UBXN2A: variants seen among roughly 807,000 people sequenced by gnomAD.
The protein encoded by UBXN2A is UBX domain-containing protein 2A.
In UBXN2A, 28 loss-of-function variants were observed where a neutral mutation model predicts 28.4. That is an observed-to-expected ratio of 0.99 (90% CI 0.73 to 1.35). UBXN2A has a LOEUF of 1.35. UBXN2A is among the 40% of genes most tolerant of loss of function. The probability of loss-of-function intolerance (pLI) is 0.00; values close to 1 mark genes in which losing one functional copy is unlikely to be tolerated. For missense variants in UBXN2A, 253 were observed against 297.9 expected (o/e 0.85, Z 1.11); for synonymous variants, 97 against 103.6 (o/e 0.94, Z 0.39).
chr2:23,959,166 C>T (rs1706783914), intron 2 of UBXN2A, among the ~76,000 whole-genome samples: 1 of 152,074 alleles, frequency 6.6e-6, no homozygotes, highest in Non-Finnish European at 1.5e-5. Flanking sequence ...TATTTATAGG[C>T]TTATATAAAT....
chr2:23,946,046 G>A (rs933387673), intron 1 of UBXN2A, among the ~76,000 whole-genome samples: 2 of 152,074 alleles, frequency 1.3e-5, no homozygotes, highest in Middle Eastern at 3.4e-3. Flanking sequence ...TGGCCAGCCT[G>A]GTCTCAAACT....
At chr2:23,967,312 C>G (rs1707220435) in intron 2 of UBXN2A, among the ~76,000 whole-genome samples, 1 of 152,148 alleles carries the variant, frequency 6.6e-6, no homozygotes, top group African/African-American at 2.4e-5. Flanking sequence ...GAAATTTCAG[C>G]TACTCTGGAT....
intron 6 of UBXN2A, among the ~76,000 whole-genome samples, chr2:23,998,677 C>T (rs1202963345): frequency 2.6e-5 from 4 of 152,084 alleles, no homozygotes; most frequent in Non-Finnish European, 4.4e-5. Context: ...GCCAAGATCA[C>T]GCCGCTGCAT....
chr2:23,949,230 G>A (rs181995504), intron 1 of UBXN2A, among the ~76,000 whole-genome samples: 108 of 149,998 alleles, frequency 7.2e-4, no homozygotes, highest in African/African-American at 2.5e-3. Flanking sequence ...CCAAAGTGCC[G>A]GGATTACAGG....
At chr2:23,982,642 T>C (rs1397228069) in intron 4 of UBXN2A, among the ~76,000 whole-genome samples, 3 of 152,070 alleles carry the variant, frequency 2.0e-5, no homozygotes, top group Non-Finnish European at 1.5e-5. Flanking sequence ...TTAAAAAATA[T>C]ATGCTTTCAC....
At chr2:23,974,371 A>ACT (rs1439180976) in intron 3 of UBXN2A, among the ~76,000 whole-genome samples, 1 of 138,298 alleles carries the variant, frequency 7.2e-6, no homozygotes, top group African/African-American at 2.7e-5. Flanking sequence ...TTTGAGACGG[A>ACT]CTCTCGCTCT....
intron 1 of UBXN2A, among the ~76,000 whole-genome samples, chr2:23,933,990 C>T (rs10207951): frequency 0.012 from 1,888 of 152,164 alleles, 35 homozygotes; most frequent in African/African-American, 0.043. Context: ...CCGAGAGGAG[C>T]AGATCACCTG....
chr2:23,956,946 C>T (rs1234253336), intron 1 of UBXN2A, among the ~76,000 whole-genome samples: 1 of 152,116 alleles, frequency 6.6e-6, no homozygotes, highest in Admixed American at 6.6e-5. Flanking sequence ...TCTGCTGATG[C>T]TCAAGTCCCT....
chr2:23,947,332 T>C (rs1157377651), intron 1 of UBXN2A, among the ~76,000 whole-genome samples: 2 of 152,198 alleles, frequency 1.3e-5, no homozygotes, highest in Non-Finnish European at 2.9e-5. Context: ...GGATAGTATT[T>C]GAGAAGATGT....
intron 2 of UBXN2A, among the ~76,000 whole-genome samples, chr2:23,962,593 C>T (rs1469195950): frequency 1.3e-5 from 2 of 149,970 alleles, no homozygotes; most frequent in Non-Finnish European, 3.0e-5. Context: ...GTTTTTTTTT[C>T]CTTTTTTTAT....
intron 6 of UBXN2A, among the ~76,000 whole-genome samples, chr2:23,991,963 T>C (rs890019438): frequency 6.6e-6 from 1 of 151,874 alleles, no homozygotes; most frequent in Non-Finnish European, 1.5e-5. Flanking sequence ...GGCTAATTTT[T>C]GGGGTTTTTT....
intron 6 of UBXN2A, among the ~76,000 whole-genome samples, chr2:23,998,618 G>T (rs964780594): frequency 6.6e-6 from 1 of 152,156 alleles, no homozygotes; most frequent in Non-Finnish European, 1.5e-5. Context: ...TACTAGGGAG[G>T]CTGAGGCAGG....
chr2:23,960,274 A>G (rs1040589251), intron 2 of UBXN2A, among the ~76,000 whole-genome samples: 6 of 151,998 alleles, frequency 3.9e-5, no homozygotes, highest in African/African-American at 1.4e-4. Context: ...ACAAAAAAAC[A>G]GAAATCCAAG....
chr2:23,991,767 C>T (rs925597007), intron 6 of UBXN2A, among the ~76,000 whole-genome samples: 2 of 150,210 alleles, frequency 1.3e-5, no homozygotes, highest in South Asian at 2.1e-4. Flanking sequence ...CCACAGTGCC[C>T]GGCCTTTTTT....
chr2:23,950,854 C>T (rs866933642), intron 1 of UBXN2A, among the ~76,000 whole-genome samples: 1 of 151,724 alleles, frequency 6.6e-6, no homozygotes, highest in African/African-American at 2.4e-5. Flanking sequence ...CAGGTATGCG[C>T]CACCACACCC....
intron 3 of UBXN2A, among the ~76,000 whole-genome samples, chr2:23,974,358 T>A (rs796596782): frequency 8.4e-5 from 12 of 143,600 alleles, no homozygotes; most frequent in African/African-American, 2.9e-4. Flanking sequence ...TTTTTTTTTT[T>A]ATTTTGAGAC....
chr2:23,953,774 G>T (rs1047583611), intron 1 of UBXN2A, among the ~76,000 whole-genome samples: 1 of 152,094 alleles, frequency 6.6e-6, no homozygotes, highest in Non-Finnish European at 1.5e-5. Context: ...TTGCATTCTT[G>T]TGATATCATC....
intron 4 of UBXN2A, among the ~76,000 whole-genome samples, chr2:23,977,675 G>T (rs111302847): frequency 6.6e-6 from 1 of 152,088 alleles, no homozygotes; most frequent in East Asian, 1.9e-4. Context: ...ACAACGAGCT[G>T]GAATGAGTAA....
chr2:23,997,016 G>C (rs939320937), intron 6 of UBXN2A: 6 of 152,070 alleles, frequency 3.9e-5, no homozygotes, highest in African/African-American at 1.4e-4. Context: ...GGAAATCCTG[G>C]GCTCAGGGAA....
Sources: allele counts gnomAD v4.1 joint callset (sites outside exome capture counted in the v4.1 genomes callset), GRCh38; gene constraint gnomAD v4.1.1; transcripts MANE v1.5; gene names NCBI Gene and HGNC (gene_info 2026-07-23, HGNC 2026-07-21).